The following PRKN variants were observed in gnomAD, a reference collection of about 807,000 sequenced individuals.
The protein encoded by PRKN is parkin RBR E3 ubiquitin protein ligase, also known as E3 ubiquitin-protein ligase parkin.
PRKN carries 56 observed loss-of-function variants against 59.5 expected under a neutral mutation model. The observed-to-expected ratio is 0.94, with a 90% CI of 0.76 to 1.18. PRKN has a LOEUF of 1.18. PRKN is among the 50% of genes most tolerant of loss of function. The pLI, the probability that PRKN is intolerant of heterozygous loss-of-function variation, is 0.00. For missense variants in PRKN, 657 were observed against 596.4 expected (o/e 1.10, Z -1.06); for synonymous variants, 250 against 222.1 (o/e 1.13, Z -1.12).
At chr6:162,033,575 T>G (rs1236382958) in intron 5 of PRKN, among the ~76,000 whole-genome samples, 2 of 152,188 alleles carry the variant, frequency 1.3e-5, no homozygotes, top group Admixed American at 6.5e-5. Flanking sequence ...TATCATTTCG[T>G]AGGGGAATTT....
intron 7 of PRKN, among the ~76,000 whole-genome samples, chr6:161,635,667 G>A (rs879189110): frequency 6.6e-6 from 1 of 152,082 alleles, no homozygotes; most frequent in Non-Finnish European, 1.5e-5. Flanking sequence ...TTTTTTTCCT[G>A]GAGGAGGGGC....
intron 2 of PRKN, among the ~76,000 whole-genome samples, chr6:162,326,287 A>G (rs190806253): frequency 6.6e-6 from 1 of 152,204 alleles, no homozygotes; most frequent in Non-Finnish European, 1.5e-5. Context: ...CCCAGGGATT[A>G]TAAGTCAGGC....
intron 6 of PRKN, among the ~76,000 whole-genome samples, chr6:161,936,646 C>T (rs896398497): frequency 6.6e-6 from 1 of 152,100 alleles, no homozygotes; most frequent in African/African-American, 2.4e-5. Context: ...GAAAGCTCCA[C>T]CAGAGACTCC....
intron 5 of PRKN, among the ~76,000 whole-genome samples, chr6:162,011,209 T>A (rs1583482312): frequency 1.2e-5 from 1 of 80,990 alleles, no homozygotes; most frequent in Non-Finnish European, 2.5e-5. Flanking sequence ...ATATTATATA[T>A]AATATAGTAT....
chr6:161,797,511 T>C (rs1790902069), intron 6 of PRKN, among the ~76,000 whole-genome samples: 1 of 152,194 alleles, frequency 6.6e-6, no homozygotes, highest in African/African-American at 2.4e-5. Flanking sequence ...GTGATCCACC[T>C]GCCTCAGCCT....
At chr6:161,606,896 G>T (rs78243324) in intron 7 of PRKN, among the ~76,000 whole-genome samples, 2 of 152,206 alleles carry the variant, frequency 1.3e-5, no homozygotes, top group Admixed American at 6.5e-5. Context: ...AAGACAAAAT[G>T]TTCTTTTCCC....
chr6:161,680,929 C>G (rs1166089351), intron 7 of PRKN, among the ~76,000 whole-genome samples: 6 of 151,316 alleles, frequency 4.0e-5, no homozygotes, highest in Non-Finnish European at 8.8e-5. Context: ...TGATTCATGT[C>G]TGGTAATAGG....
intron 4 of PRKN, among the ~76,000 whole-genome samples, chr6:162,103,049 A>G (rs1377969825): frequency 6.6e-6 from 1 of 151,538 alleles, no homozygotes; most frequent in Non-Finnish European, 1.5e-5. Context: ...TCTCAAAAAA[A>G]AAAAAAAAAA....
At position 161,417,189 on chromosome 6, in the gene PRKN, C is replaced by T. The variant is rs1417821667; in HGVS notation, c.1084-30312G>A. 2.0e-5 allele frequency among the ~76,000 whole-genome samples: 3 copies of T among 152,110 alleles called. No individual in the cohort carries two copies. Among genetic ancestry groups the T allele is most frequent in the Non-Finnish European group, 2.9e-5 (2 of 68,032 alleles). Reference sequence around the variant, plus strand: ...CTAACGGGCTTGGCGCAGTGGCTCACGCCTGTAATCCCAGCACTTTGGGAG... The same window carrying T: ...CTAACGGGCTTGGCGCAGTGGCTCATGCCTGTAATCCCAGCACTTTGGGAG... On this transcript the variant is annotated intron_variant, in intron 9 of 11. Coordinates refer to ENST00000366898, the MANE Select transcript of PRKN (RefSeq NM_004562.3). This position sits in a 1 kb window ranked among gnomAD's most constrained non-coding sequence, Gnocchi z 5.4.
chr6:162,451,551 C>T (rs1034438016), intron 1 of PRKN, among the ~76,000 whole-genome samples: 1 of 151,208 alleles, frequency 6.6e-6, no homozygotes, highest in African/African-American at 2.4e-5. Flanking sequence ...ACAGTGAGAC[C>T]TTAGCTCTAT....
chr6:161,644,326 G>T (rs937308595), intron 7 of PRKN, among the ~76,000 whole-genome samples: 1 of 152,164 alleles, frequency 6.6e-6, no homozygotes, highest in Non-Finnish European at 1.5e-5. Context: ...GATCAGGCTA[G>T]GAAATGCATG....
rs117482887 is a variant in PRKN, at chr6:161,740,955, G to A, written c.871+44817C>T. Among the ~76,000 whole-genome samples the A allele has an allele frequency of 1.7e-3, 256 of 152,328 alleles. 4 individuals carry two copies. The East Asian group carries it at 0.043, about 26-fold the overall frequency. ...CTCCCTGGACTGAATTGATGGTCCAGAGGCTTTAAAATACTCACGGACCTA... is the reference window on the plus strand; with the variant it reads ...CTCCCTGGACTGAATTGATGGTCCAAAGGCTTTAAAATACTCACGGACCTA... On this transcript the variant is annotated intron_variant, in intron 7 of 11. Transcript: ENST00000366898.
chr6:162,004,406 CTCT>C (rs1394752053), intron 5 of PRKN, among the ~76,000 whole-genome samples: 4 of 152,140 alleles, frequency 2.6e-5, no homozygotes, highest in Non-Finnish European at 5.9e-5. Flanking sequence ...CCAATTAAAC[CTCT>C]TTTCTTATAA....
intron 2 of PRKN, among the ~76,000 whole-genome samples, chr6:162,416,236 T>A (rs1788624876): frequency 6.6e-6 from 1 of 152,230 alleles, no homozygotes; most frequent in Non-Finnish European, 1.5e-5. Flanking sequence ...ATATATTTTT[T>A]AAATCCTCAT....
intron 2 of PRKN, among the ~76,000 whole-genome samples, chr6:162,390,021 T>C (rs552033409): frequency 6.6e-6 from 1 of 152,234 alleles, no homozygotes; most frequent in South Asian, 2.1e-4. Flanking sequence ...TCTCTGGAGA[T>C]TGCCAATGCT....
chr6:161,719,149 G>C (rs1375951274), intron 7 of PRKN, among the ~76,000 whole-genome samples: 4 of 151,962 alleles, frequency 2.6e-5, no homozygotes, highest in African/African-American at 7.2e-5. Flanking sequence ...CTAGCGAAGG[G>C]TACGGATTGC....
intron 5 of PRKN, among the ~76,000 whole-genome samples, chr6:162,037,593 C>T (rs901782677): frequency 3.3e-5 from 5 of 151,196 alleles, no homozygotes; most frequent in Non-Finnish European, 5.9e-5. Context: ...TGTCACCAGG[C>T]TGGAGTGCAG....
chr6:161,683,993 G>C (rs1348221513), intron 7 of PRKN, among the ~76,000 whole-genome samples: 1 of 152,032 alleles, frequency 6.6e-6, no homozygotes, highest in East Asian at 1.9e-4. Context: ...AAAGGGAGAA[G>C]GTGGATTTTA....
chr6:162,322,244 G>A (rs1783060623), intron 2 of PRKN, among the ~76,000 whole-genome samples: 1 of 151,920 alleles, frequency 6.6e-6, no homozygotes, highest in Non-Finnish European at 1.5e-5. Context: ...TTTACAAACA[G>A]TTTGTGTGAA....
Sources: gnomAD v4.1 joint callset for allele counts (sites outside exome capture counted in the v4.1 genomes callset) on GRCh38, gnomAD v4.1.1 for gene constraint, Gnocchi (gnomAD v3.1) non-coding constraint, MANE v1.5 for transcripts, NCBI Gene and HGNC (gene_info 2026-07-23, HGNC 2026-07-21) for gene names.